Variants in SHISA9 observed in about 807,000 individuals in gnomAD.
SHISA9 encodes shisa family member 9.
Under a neutral mutation model 38.0 loss-of-function variants are expected in SHISA9, and 13 were observed. The ratio of observed to expected loss-of-function variants is 0.34; its 90% confidence interval spans 0.22 to 0.54. The LOEUF is 0.54. Among genes scored for constraint, SHISA9 ranks in the 20% least tolerant of loss-of-function variants. The pLI, the probability that SHISA9 is intolerant of heterozygous loss-of-function variation, is 0.91. For missense variants in SHISA9, 538 were observed against 575.8 expected (o/e 0.93, Z 0.67); for synonymous variants, 275 against 242.0 (o/e 1.14, Z -1.27).
At chr16:13,071,567 TCCTC>T (rs200684187) in intron 2 of SHISA9, among the ~76,000 whole-genome samples, 15 of 136,590 alleles carry the variant, frequency 1.1e-4, no homozygotes, top group African/African-American at 4.8e-4. Flanking sequence ...TTTCCTTCCT[TCCTC>T]CCTTCCTCCC....
At chr16:13,208,132 CT>C (rs1395917009) in intron 3 of SHISA9, among the ~76,000 whole-genome samples, 2 of 152,156 alleles carry the variant, frequency 1.3e-5, no homozygotes, top group Non-Finnish European at 2.9e-5. Flanking sequence ...TGGACTTCAG[CT>C]TCTTCATATG....
chr16:12,953,032 T>G (rs920488276), intron 2 of SHISA9, among the ~76,000 whole-genome samples: 2 of 151,944 alleles, frequency 1.3e-5, no homozygotes, highest in Admixed American at 1.3e-4. Context: ...TAGTAAAGTA[T>G]GCAACTTCAG....
intron 2 of SHISA9, among the ~76,000 whole-genome samples, chr16:13,092,282 G>A (rs1379927733): frequency 1.3e-5 from 2 of 152,230 alleles, no homozygotes; most frequent in Non-Finnish European, 2.9e-5. Context: ...GGGAGTCGGG[G>A]ACCCACTTGA....
intron 2 of SHISA9, among the ~76,000 whole-genome samples, chr16:13,102,942 G>A (rs975030790): frequency 6.6e-6 from 1 of 152,128 alleles, no homozygotes; most frequent in African/African-American, 2.4e-5. Flanking sequence ...AGAGGGAGGC[G>A]GCACTTCCTC....
intron 4 of SHISA9, among the ~76,000 whole-genome samples, chr16:13,228,036 C>A (rs184348854): frequency 6.6e-6 from 1 of 152,290 alleles, no homozygotes; most frequent in East Asian, 1.9e-4. Context: ...TGCTGTGTAG[C>A]AGGTGTATCT....
chr16:12,991,831 T>A (rs1256021671), intron 2 of SHISA9, among the ~76,000 whole-genome samples: 1 of 152,158 alleles, frequency 6.6e-6, no homozygotes, highest in Non-Finnish European at 1.5e-5. Context: ...TACTGATAGA[T>A]CCTTTTCCTT....
chr16:13,078,047 T>A (rs939622262), intron 2 of SHISA9, among the ~76,000 whole-genome samples: 2 of 152,148 alleles, frequency 1.3e-5, no homozygotes, highest in African/African-American at 4.8e-5. Flanking sequence ...GTGATAATAA[T>A]AAACACACAT....
chr16:13,410,342 C>T, the SHISA9 span, among the ~76,000 whole-genome samples: 1 of 152,176 alleles, frequency 6.6e-6, no homozygotes, highest in Non-Finnish European at 1.5e-5. Context: ...AATTTACAGG[C>T]ATCTTTGCCC....
intron 1 of SHISA9, among the ~76,000 whole-genome samples, chr16:12,912,052 G>C (rs936708484): frequency 6.6e-6 from 1 of 152,184 alleles, no homozygotes; most frequent in Admixed American, 6.5e-5. Context: ...ATCTTCCTTG[G>C]TCCAAGGTTC....
the SHISA9 span, among the ~76,000 whole-genome samples, chr16:13,534,004 C>T: frequency 6.6e-6 from 1 of 152,022 alleles, no homozygotes; most frequent in Non-Finnish European, 1.5e-5. Context: ...AGGCTGATCT[C>T]CATCTCCTGA....
the SHISA9 span, among the ~76,000 whole-genome samples, chr16:13,439,198 CAGTG>C: frequency 1.3e-5 from 2 of 152,150 alleles, no homozygotes; most frequent in African/African-American, 4.8e-5. Context: ...GATATCAAAA[CAGTG>C]AGTAGTTTCC....
intron 4 of SHISA9, 48 bp from the exon 5 acceptor site, chr16:13,234,982 C>CTCTCT (rs1361675371): frequency 6.2e-5 from 93 of 1,488,732 alleles, no homozygotes; most frequent in Non-Finnish European, 8.0e-5. Context: ...CTCTCTCTCT[C>CTCTCT]TCTCTTCTCT....
the SHISA9 span, among the ~76,000 whole-genome samples, chr16:13,542,427 T>A: frequency 6.6e-6 from 1 of 151,854 alleles, no homozygotes; most frequent in African/African-American, 2.4e-5. Context: ...GATAACATCG[T>A]GTTCATTGTA....
the SHISA9 span, among the ~76,000 whole-genome samples, chr16:13,490,822 A>C: frequency 6.6e-6 from 1 of 152,256 alleles, no homozygotes; most frequent in Non-Finnish European, 1.5e-5. Context: ...CATGTCAGAG[A>C]AACCAACCAA....
intron 2 of SHISA9, among the ~76,000 whole-genome samples, chr16:13,019,022 CAG>C (rs1213928777): frequency 1.3e-5 from 2 of 150,172 alleles, no homozygotes; most frequent in Non-Finnish European, 1.5e-5. Flanking sequence ...TTTTTTGAGA[CAG>C]AGTCTTGCTC....
chr16:12,940,045 A>C (rs2071588926), intron 2 of SHISA9, among the ~76,000 whole-genome samples: 2 of 152,166 alleles, frequency 1.3e-5, no homozygotes, highest in African/African-American at 4.8e-5. Flanking sequence ...CTAAAGGTTG[A>C]CCCTTCCCAA....
chr16:13,222,811 TACATACACAC>T (rs60889815), intron 4 of SHISA9, among the ~76,000 whole-genome samples: 14,931 of 92,298 alleles, frequency 0.16, 1,002 homozygotes, highest in East Asian at 0.46. Context: ...TATATATATA[TACATACACAC>T]ACCACAAGGT....
chr16:12,961,405 C>G (rs1046827002), intron 2 of SHISA9, among the ~76,000 whole-genome samples: 1 of 152,152 alleles, frequency 6.6e-6, no homozygotes, highest in Non-Finnish European at 1.5e-5. Flanking sequence ...CAGAGAATAA[C>G]ACAGTCAGAA....
chr16:13,230,797 T>A (rs1179265140), intron 4 of SHISA9, among the ~76,000 whole-genome samples: 1 of 152,218 alleles, frequency 6.6e-6, no homozygotes, highest in African/African-American at 2.4e-5. Context: ...TATTTCTTGA[T>A]GATATGCTAA....
Sources: gnomAD v4.1 joint callset for allele counts (sites outside exome capture counted in the v4.1 genomes callset) on GRCh38, gnomAD v4.1.1 for gene constraint, MANE v1.5 for transcripts, NCBI Gene and HGNC (gene_info 2026-07-23, HGNC 2026-07-21) for gene names.